TBC1D8: variants seen among roughly 807,000 people sequenced by gnomAD.
TBC1D8 encodes TBC1 domain family member 8, also known as BUB2-like protein 1.
A neutral mutation model predicts 118.8 loss-of-function variants in TBC1D8; 65 were observed. The observed-to-expected ratio is 0.55, with a 90% confidence interval of 0.45 to 0.67. The LOEUF is 0.67. Ranked by LOEUF, TBC1D8 falls within the 30% of genes least tolerant of loss-of-function variation. The pLI, the probability that TBC1D8 is intolerant of heterozygous loss-of-function variation, is 0.00. For synonymous variants in TBC1D8, 566 were observed against 595.8 expected, an observed-to-expected ratio of 0.95 and a Z score of 0.73; for missense variants, 1,376 against 1,471.2, an observed-to-expected ratio of 0.94 and a Z score of 1.06.
intron 1 of TBC1D8, among the ~76,000 whole-genome samples, chr2:101,138,689 G>T (rs1237668037): frequency 1.3e-5 from 2 of 152,206 alleles, no homozygotes; most frequent in African/African-American, 4.8e-5. Context: ...ACAGGGCGGG[G>T]TGTACTGGAG....
At position 101,151,313 on chromosome 2, in the gene TBC1D8, G is replaced by C. The variant is rs1043511553; in HGVS notation, c.-60C>G. ...CACATCTCCCCGGCCGCCGGTCGCT[G>C]TGAGCCGAGCCCGCTCGAGAGGCGA... On this transcript the variant is annotated 5_prime_UTR_variant, in exon 1 of 20. Transcript: ENST00000409318. The C allele has an allele frequency of 2.7e-5, 30 of 1,099,694 alleles. No homozygotes were observed. Among genetic ancestry groups the C allele is most frequent in the Non-Finnish European group, 3.0e-5 (27 of 892,982 alleles). The allele number at this position is 1,099,694 out of a possible 1,614,324, so 68.1% of individuals were successfully genotyped here.
intron 2 of TBC1D8, among the ~76,000 whole-genome samples, chr2:101,064,599 T>C (rs1682925614): frequency 6.6e-6 from 1 of 152,152 alleles, no homozygotes; most frequent in Admixed American, 6.5e-5. Flanking sequence ...TCTAAGAAAA[T>C]GAAAGTCCAG....
intron 18 of TBC1D8, 84 bp from the exon 19 acceptor site, chr2:101,011,110 A>T: frequency 7.5e-7 from 1 of 1,326,464 alleles, no homozygotes. Context: ...AGAGAGGAGC[A>T]AGGGGGTGAG....
Position 101,038,585 on chromosome 2 carries a change from T to C in TBC1D8, c.1151A>G (p.Lys384Arg). 6.2e-7 allele frequency: 1 copy of C among 1,613,894 alleles called. No individual in the cohort carries two copies. Among genetic ancestry groups the C allele is most frequent in the Non-Finnish European group, 8.5e-7 (1 of 1,179,872 alleles). Residue 384 changes from lysine to arginine, a missense_variant, in exon 7 of 20, where the codon AAG (lysine) becomes AGG (arginine). Lys to Arg is a conservative substitution (Grantham distance 26). Transcript: ENST00000409318. ...GAGCTCAATGAACTGGAAGGCCACC[T>C]TGCTTCTGATACTGACAATGATGGG... ...PHPIIVSIRS[K>R]VAFQFIELRD...
chr2:101,143,386 A>G (rs1318768644), intron 1 of TBC1D8, among the ~76,000 whole-genome samples: 1 of 152,092 alleles, frequency 6.6e-6, no homozygotes, highest in Non-Finnish European at 1.5e-5. Flanking sequence ...TAAAGTAAAA[A>G]GCAGGAAGCA....
Position 101,022,251 on chromosome 2 carries a change from A to C in TBC1D8, c.2761+30T>G, listed in dbSNP as rs371542894. 3 of 1,613,014 alleles carry C rather than the reference A, an allele frequency of 1.9e-6. No homozygotes were observed. In the African/African-American group the frequency reaches 4.0e-5, roughly 22 times the overall value. On this transcript the variant is annotated intron_variant, in intron 16 of 19. Transcript: ENST00000409318. Reference sequence around the variant, plus strand: ...TGCTCACAGACCCACACCCCAAAGCACATCACTGCGAAATCCCACAGAGGC... The same window carrying C: ...TGCTCACAGACCCACACCCCAAAGCCCATCACTGCGAAATCCCACAGAGGC...
chr2:101,113,115 G>C (rs1357160716), intron 1 of TBC1D8, among the ~76,000 whole-genome samples: 1 of 152,044 alleles, frequency 6.6e-6, no homozygotes, highest in Non-Finnish European at 1.5e-5. Context: ...AAGAGAACCA[G>C]TTATAAAGAA....
chr2:101,018,917 G>A, intron 17 of TBC1D8: 1 of 1,545,654 alleles, frequency 6.5e-7, no homozygotes, highest in South Asian at 1.2e-5. Flanking sequence ...GAAAACTGTT[G>A]ATGTCCTAAT....
intron 2 of TBC1D8, among the ~76,000 whole-genome samples, chr2:101,072,608 G>T (rs1674524478): frequency 6.6e-6 from 1 of 152,154 alleles, no homozygotes; most frequent in South Asian, 2.1e-4. Flanking sequence ...TCATCATCAG[G>T]CATTGGTTAG....
chr2:101,088,193 T>A (rs1260029831), intron 2 of TBC1D8, among the ~76,000 whole-genome samples: 1 of 152,200 alleles, frequency 6.6e-6, no homozygotes, highest in East Asian at 1.9e-4. Context: ...GCTCACCTCA[T>A]GAAACTAGAG....
intron 2 of TBC1D8, among the ~76,000 whole-genome samples, chr2:101,086,315 A>G (rs1359454438): frequency 1.3e-5 from 2 of 152,126 alleles, no homozygotes; most frequent in African/African-American, 4.8e-5. Context: ...CAGCTATCCA[A>G]CATAAAGTAT....
chr2:101,038,746 A>G, intron 6 of TBC1D8, 91 bp from the exon 7 acceptor site: 1 of 1,390,370 alleles, frequency 7.2e-7, no homozygotes, highest in East Asian at 2.3e-5. Flanking sequence ...ACAGAGGGCA[A>G]GGCACAATCA....
At chr2:101,034,237 C>T (rs1041309227) in intron 9 of TBC1D8, among the ~76,000 whole-genome samples, 18 of 152,054 alleles carry the variant, frequency 1.2e-4, no homozygotes, top group Admixed American at 2.6e-4. Context: ...CCTTATAGAG[C>T]GAAGGGGAGA....
chr2:101,010,309 A>G (rs536425061), intron 19 of TBC1D8, among the ~76,000 whole-genome samples: 7 of 152,296 alleles, frequency 4.6e-5, no homozygotes, highest in African/African-American at 1.7e-4. Flanking sequence ...CAAGCACAGT[A>G]TTTTTGAAGG....
At chr2:101,058,752 C>CAAAAAAAAAAAAAAAA (rs780821019) in intron 3 of TBC1D8, among the ~76,000 whole-genome samples, 1 of 116,452 alleles carries the variant, frequency 8.6e-6, no homozygotes, top group Non-Finnish European at 1.8e-5. Context: ...GTCACAACTG[C>CAAAAAAAAAAAAAAAA]AAAAAAAAAA....
intron 5 of TBC1D8, among the ~76,000 whole-genome samples, chr2:101,041,973 C>T (rs928262681): frequency 1.3e-5 from 2 of 151,488 alleles, no homozygotes; most frequent in Non-Finnish European, 2.9e-5. Context: ...TGCAGTGAGT[C>T]GAGATCGCGC....
intron 17 of TBC1D8, among the ~76,000 whole-genome samples, chr2:101,012,989 T>C (rs2278726): frequency 0.24 from 36,735 of 152,138 alleles, 4,646 homozygotes; most frequent in Middle Eastern, 0.33. Context: ...AGGATGGAAA[T>C]GGATTTCCCA....
chr2:101,135,708 G>A (rs774087745), intron 1 of TBC1D8, among the ~76,000 whole-genome samples: 2 of 152,212 alleles, frequency 1.3e-5, no homozygotes, highest in Non-Finnish European at 2.9e-5. Flanking sequence ...AGGTCTCTAG[G>A]GGTCCTCACT....
intron 2 of TBC1D8, among the ~76,000 whole-genome samples, chr2:101,064,256 T>C (rs1384509027): frequency 6.6e-6 from 1 of 152,124 alleles, no homozygotes; most frequent in Non-Finnish European, 1.5e-5. Flanking sequence ...AGTGCACCCA[T>C]GGAGAAAAGG....
Sources: gnomAD v4.1 joint callset for allele counts (sites outside exome capture counted in the v4.1 genomes callset) on GRCh38, gnomAD v4.1.1 for gene constraint, MANE v1.5 for transcripts, NCBI Gene and HGNC (gene_info 2026-07-23, HGNC 2026-07-21) for gene names.